Variants in CPXM1 observed in about 807,000 individuals in gnomAD.
CPXM1 encodes probable carboxypeptidase X1.
CPXM1 carries 72 observed loss-of-function variants against 80.4 expected under a neutral mutation model. The observed-to-expected ratio is 0.90, with a 90% confidence interval of 0.74 to 1.09. The LOEUF is 1.09. CPXM1 is among the 50% of genes least tolerant of loss of function. The pLI, the probability that CPXM1 is intolerant of heterozygous loss-of-function variation, is 0.00. For missense variants in CPXM1, 892 were observed against 999.4 expected (o/e 0.89, Z 1.45); for synonymous variants, 403 against 405.6 (o/e 0.99, Z 0.08).
At position 2,795,555 on chromosome 20, in the gene CPXM1, C is replaced by T. The variant is rs774231916; in HGVS notation, c.1720+44G>A. The T allele has an allele frequency of 3.1e-5, 49 of 1,597,926 alleles. No individual in the cohort carries two copies. The highest frequency in any genetic ancestry group is 2.7e-4 in the East Asian group (12 of 44,584). On this transcript the variant is annotated intron_variant, in intron 11 of 13. Coordinates refer to ENST00000380605, the MANE Select transcript of CPXM1 (RefSeq NM_019609.5). This position sits in a 1 kb window ranked among gnomAD's most constrained non-coding sequence, Gnocchi z 5.4. ...GCAACCGCAGGCTGTCTTATCAGGG[C>T]GGGGGTTACGGGGCCAGGGCTAACT...
Position 2,794,238 on chromosome 20 carries a change from G to A in CPXM1, c.2157C>T (p.Pro719=), listed in dbSNP as rs1157742054. 3.1e-6 allele frequency: 5 copies of A among 1,613,820 alleles called. No homozygotes were observed. Among genetic ancestry groups the A allele is most frequent in the Non-Finnish European group, 3.4e-6 (4 of 1,180,026 alleles). Residue 719 remains proline, a synonymous_variant, in exon 14 of 14, where the codon CCC becomes CCT. Coordinates refer to ENST00000380605, the MANE Select transcript of CPXM1 (RefSeq NM_019609.5). This position sits in a 1 kb window ranked among gnomAD's most constrained non-coding sequence, Gnocchi z 5.2. ...RELLAAGAKV[P]PDLRRRLERL... ...GCTCCAGGCGCCTGCGAAGGTCCGG[G>A]GGCACCTTGGCCCCAGCTGCCAGCA...
chr20:2,794,539 G>A lies in CPXM1; in HGVS notation c.1961C>T (p.Thr654Met), dbSNP rs144417990. The A allele has an allele frequency of 3.1e-4, 496 of 1,613,950 alleles. 1 individual carries two copies. Among genetic ancestry groups the A allele is most frequent in the Middle Eastern group, 2.1e-3 (13 of 6,060 alleles). Residue 654 changes from threonine to methionine, a missense_variant and splice_region_variant, in exon 13 of 14, where the codon ACG becomes ATG. This residue lies in a region of CPXM1 where 874 missense variants were observed against 958.4 expected (regional missense o/e 0.91). Transcript: ENST00000380605. This position sits in a 1 kb window ranked among gnomAD's most constrained non-coding sequence, Gnocchi z 5.2. ...CTTGCCCTCCCGGTCAAACACACCC[G>A]TGGTCACGTCATGGTTAATCCCATC... is the stretch of plus-strand genomic sequence containing the variant. ...AVDGINHDVT[T>M]AWGGDYWRLL...
Position 2,796,502 on chromosome 20 carries a change from C to G in CPXM1, c.1045+25G>C. 6.2e-7 allele frequency: 1 copy of G among 1,613,746 alleles called. No homozygotes were observed. Among genetic ancestry groups the G allele is most frequent in the Admixed American group, 1.7e-5 (1 of 60,010 alleles). Reference sequence around the variant, plus strand: ...GCCTGGGGCCCTGCCCTGTGCCTACCTCTCCCCACTCCCCATGCCAGTACC... The same window carrying G: ...GCCTGGGGCCCTGCCCTGTGCCTACGTCTCCCCACTCCCCATGCCAGTACC... On this transcript the variant is annotated intron_variant, in intron 8 of 13. Transcript: ENST00000380605. This position sits in a 1 kb window ranked among gnomAD's most constrained non-coding sequence, Gnocchi z 6.8.
chr20:2,796,967 G>A lies in CPXM1; in HGVS notation c.921+39C>T. ...AAGGTGGGAAGGGGACCTGAGATGGGTGGGCCCTCCTTCCCAGGTCATAGG... is the reference window on the plus strand; with the variant it reads ...AAGGTGGGAAGGGGACCTGAGATGGATGGGCCCTCCTTCCCAGGTCATAGG... On this transcript the variant is annotated intron_variant, in intron 7 of 13. Transcript: ENST00000380605. The surrounding 1 kb of genome is among the most constrained non-coding windows in gnomAD (Gnocchi z 6.8). The A allele has an allele frequency of 6.4e-7, 1 of 1,574,306 alleles. No individual in the cohort carries two copies. The highest frequency in any genetic ancestry group is 1.1e-5 in the South Asian group (1 of 89,770).
intron 3 of CPXM1, 34 bp downstream of exon 3, chr20:2,798,394 C>T (rs768170142): frequency 2.5e-6 from 4 of 1,606,512 alleles, no homozygotes; most frequent in Middle Eastern, 1.7e-4. Flanking sequence ...CCTTCCCTAC[C>T]CTGAGACCAT....
intron 1 of CPXM1, 120 bp from the exon 2 acceptor site, chr20:2,799,013 A>G (rs2088540690): frequency 9.9e-7 from 1 of 1,005,086 alleles, no homozygotes; most frequent in Non-Finnish European, 1.5e-6. Context: ...AGGATCTAAC[A>G]GCCTTCACAG....
rs373342687 is a variant in CPXM1, at chr20:2,798,896, T to C, written c.173-3A>G. The C allele has an allele frequency of 1.2e-6, 2 of 1,613,086 alleles. No homozygotes were observed. The highest frequency in any genetic ancestry group is 1.3e-5 in the African/African-American group (1 of 74,838). Reference sequence around the variant, plus strand: ...CCGGACATGCTGTTCTGAGGTCCCTTGGGGTCCGAGAGGCACAGCATGGGG... The same window carrying C: ...CCGGACATGCTGTTCTGAGGTCCCTCGGGGTCCGAGAGGCACAGCATGGGG... On this transcript the variant is annotated splice_region_variant and splice_polypyrimidine_tract_variant and intron_variant, in intron 1 of 13. Transcript: ENST00000380605.
chr20:2,797,465 T>C (rs946422155), intron 5 of CPXM1, 123 bp from the exon 6 acceptor site: 3 of 1,112,786 alleles, frequency 2.7e-6, no homozygotes, highest in African/African-American at 1.6e-5. Context: ...AGCTAGAGAC[T>C]TGCACTGTGC....
chr20:2,799,454 C>T (rs534247078), intron 1 of CPXM1, among the ~76,000 whole-genome samples: 8 of 152,330 alleles, frequency 5.3e-5, no homozygotes, highest in East Asian at 3.9e-4. Flanking sequence ...GCTTTCAGGG[C>T]TGGGCCTGCC....
rs771290037 is a variant in CPXM1, at chr20:2,798,749, T to C, written c.317A>G (p.Asp106Gly). The change falls in exon 2 of 14, where the codon GAC becomes GGC. Residue 106 changes from aspartate to glycine, a missense_variant. Coordinates refer to ENST00000380605, the MANE Select transcript of CPXM1 (RefSeq NM_019609.5). ...ACCTGTTTCTTGTTTCTCAGCGGGGTCGAGGGTCCCTGCTGGAGTGGGGGT... is the reference window on the plus strand; with the variant it reads ...ACCTGTTTCTTGTTTCTCAGCGGGGCCGAGGGTCCCTGCTGGAGTGGGGGT... Reference protein sequence around the residue: ...LVTPTPAGTLDPAEKQETGCP... With the variant: ...LVTPTPAGTLGPAEKQETGCP... 1 of 1,612,810 alleles carries C rather than the reference T, an allele frequency of 6.2e-7. No homozygotes were observed. Among genetic ancestry groups the C allele is most frequent in the Non-Finnish European group, 8.5e-7 (1 of 1,179,574 alleles).
chr20:2,797,919 G>A (rs759489066), intron 5 of CPXM1, 49 bp downstream of exon 5: 1 of 1,540,296 alleles, frequency 6.5e-7, no homozygotes, highest in South Asian at 1.1e-5. Flanking sequence ...GCCTGGACTG[G>A]GTGCCCAACT....
chr20:2,794,633 T>C lies in CPXM1; in HGVS notation c.1867A>G (p.Met623Val), dbSNP rs1319676951. Residue 623 changes from methionine to valine, a missense_variant, in exon 13 of 14, where the codon ATG (methionine) becomes GTG (valine). Met to Val is a conservative substitution (Grantham distance 21). Transcript: ENST00000380605. The surrounding 1 kb of genome is among the most constrained non-coding windows in gnomAD (Gnocchi z 5.2). Reference protein sequence around the residue: ...ALLTYLEQVRMGIAGVVRDKD... With the variant: ...ALLTYLEQVRVGIAGVVRDKD... ...TCCCTCACCACTCCTGCAATGCCCA[T>C]GCGCACCTGTGTGGGAAGAGGTTAT... 32 of 1,609,610 alleles carry C rather than the reference T, an allele frequency of 2.0e-5. No homozygotes were observed. The highest frequency in any genetic ancestry group is 2.5e-5 in the Non-Finnish European group (29 of 1,178,332).
chr20:2,795,980 A>T lies in CPXM1; in HGVS notation c.1422+2T>A. The T allele has an allele frequency of 1.9e-6, 3 of 1,604,776 alleles. No individual in the cohort carries two copies. The highest frequency in any genetic ancestry group is 1.3e-5 in the African/African-American group (1 of 74,918). ...CTCCACTGCCGCCCTCAAAATACTCACGGTGGCATTGGGCAGGGTGTAGTA... is the reference window on the plus strand; with the variant it reads ...CTCCACTGCCGCCCTCAAAATACTCTCGGTGGCATTGGGCAGGGTGTAGTA... On this transcript the variant is annotated splice_donor_variant, in intron 10 of 13. Transcript: ENST00000380605. LOFTEE classifies it high-confidence loss of function. This position sits in a 1 kb window ranked among gnomAD's most constrained non-coding sequence, Gnocchi z 5.4.
chr20:2,800,113 TGTGCGCGCGC>T (rs1307737356), intron 1 of CPXM1, among the ~76,000 whole-genome samples: 6 of 147,650 alleles, frequency 4.1e-5, no homozygotes, highest in Non-Finnish European at 9.0e-5. Context: ...TGAGTGTGAG[TGTGCGCGCGC>T]GTGCACTGTG....
Position 2,794,705 on chromosome 20 carries a change from G to C in CPXM1, c.1861-66C>G. On this transcript the variant is annotated intron_variant, in intron 12 of 13. Coordinates refer to ENST00000380605, the MANE Select transcript of CPXM1 (RefSeq NM_019609.5). This position sits in a 1 kb window ranked among gnomAD's most constrained non-coding sequence, Gnocchi z 5.2. ...GGATAATGTGCTGTTTAGCTAACTT[G>C]CTGGCTCTGTTGCCCTGCAAACCTG... 5.9e-6 allele frequency: 8 copies of C among 1,348,256 alleles called. No homozygotes were observed. Among genetic ancestry groups the C allele is most frequent in the Non-Finnish European group, 8.4e-6 (8 of 952,474 alleles). The allele number at this position is 1,348,256 out of a possible 1,614,324, so 83.5% of individuals were successfully genotyped here.
At position 2,797,182 on chromosome 20, in the gene CPXM1, G is replaced by T. The variant is rs742707; in HGVS notation, c.832+10C>A. 855,386 of 1,596,562 alleles carry T rather than the reference G, an allele frequency of 0.54. 237,991 individuals carry two copies. The highest frequency in any genetic ancestry group is 0.58 in the Non-Finnish European group (672,505 of 1,168,590). The stretch of plus-strand genomic sequence containing the variant: ...AGCCCTGCCCAACCAACCCTGGCCT[G>T]ACTGCCCACCTGAGACTGGGCAGGC... On this transcript the variant is annotated intron_variant, in intron 6 of 13. Coordinates refer to ENST00000380605, the MANE Select transcript of CPXM1 (RefSeq NM_019609.5).
chr20:2,795,351 T>A lies in CPXM1; in HGVS notation c.1786A>T (p.Lys596Ter). ...GGCAATTCATTCTCGTGAGGGAACT[T>A]GTCACAGGACAGCTCCACAGTGACC... ...FEVTVELSCD[K>*]FPHENELPQE... The change falls in exon 12 of 14, where the codon AAG becomes TAG. Residue 596 changes from lysine (K) to a stop codon, truncating the protein, a stop_gained. Coordinates refer to ENST00000380605, the MANE Select transcript of CPXM1 (RefSeq NM_019609.5). LOFTEE classifies it high-confidence loss of function. The surrounding 1 kb of genome is among the most constrained non-coding windows in gnomAD (Gnocchi z 5.4). 1 of 1,614,180 alleles carries A rather than the reference T, an allele frequency of 6.2e-7. No individual in the cohort carries two copies. Among genetic ancestry groups the A allele is most frequent in the Non-Finnish European group, 8.5e-7 (1 of 1,180,018 alleles).
In CPXM1 at chr20:2,795,012, G is replaced by A. The variant is rs2088489871; in HGVS notation, c.1860+265C>T. ...CCTGCCTCACGTGAGTCTCTCCTGA[G>A]GATAGCTCTGGGGCAGCGCCACGGA... is the stretch of plus-strand genomic sequence containing the variant. On this transcript the variant is annotated intron_variant, in intron 12 of 13. Coordinates refer to ENST00000380605, the MANE Select transcript of CPXM1 (RefSeq NM_019609.5). This position sits in a 1 kb window ranked among gnomAD's most constrained non-coding sequence, Gnocchi z 5.4. 6.6e-6 allele frequency among the ~76,000 whole-genome samples: 1 copy of A among 152,148 alleles called. No individual in the cohort carries two copies. Among genetic ancestry groups the A allele is most frequent in the Non-Finnish European group, 1.5e-5 (1 of 68,024 alleles).
rs1568600691 is a variant in CPXM1, at chr20:2,795,535, C to T, written c.1720+64G>A. On this transcript the variant is annotated intron_variant, in intron 11 of 13. Coordinates refer to ENST00000380605, the MANE Select transcript of CPXM1 (RefSeq NM_019609.5). The surrounding 1 kb of genome is among the most constrained non-coding windows in gnomAD (Gnocchi z 5.4). The stretch of plus-strand genomic sequence containing the variant: ...AACAGACGCCAGCACTGTACGCAAC[C>T]GCAGGCTGTCTTATCAGGGCGGGGG... The T allele has an allele frequency of 5.0e-6, 8 of 1,589,654 alleles. No individual in the cohort carries two copies. The highest frequency in any genetic ancestry group is 6.9e-6 in the Non-Finnish European group (8 of 1,164,972).
Sources: gnomAD v4.1 joint callset for allele counts (sites outside exome capture counted in the v4.1 genomes callset) on GRCh38, gnomAD v4.1.1 for gene constraint, gnomAD v4.1.1 regional missense constraint, Gnocchi (gnomAD v3.1) non-coding constraint, MANE v1.5 for transcripts, NCBI Gene and HGNC (gene_info 2026-07-23, HGNC 2026-07-21) for gene names.